Variants in SYCP2 observed in about 807,000 individuals in gnomAD.
SYCP2 encodes the protein synaptonemal complex protein 2, also known as synaptonemal complex lateral element protein.
A neutral mutation model predicts 211.3 loss-of-function variants in SYCP2; 55 were observed. The ratio of observed to expected loss-of-function variants is 0.26; its 90% CI spans 0.21 to 0.33. The LOEUF (loss-of-function observed/expected upper bound fraction) is 0.33. Ranked by LOEUF, SYCP2 falls within the 10% of genes least tolerant of loss-of-function variation. The pLI is 1.00. For synonymous variants in SYCP2, 570 were observed against 555.2 expected, an observed-to-expected ratio of 1.03 and a Z score of -0.37; for missense variants, 1,731 against 1,752.0, an observed-to-expected ratio of 0.99 and a Z score of 0.21.
At chr20:59,915,575 A>G (rs1268271482) in intron 8 of SYCP2, 25 bp from the exon 9 acceptor site, 2 of 1,366,546 alleles carry the variant, frequency 1.5e-6, no homozygotes, top group Non-Finnish European at 2.1e-6. Flanking sequence ...AAGATAATGC[A>G]TTAACTTTAC....
chr20:59,864,380 C>T lies in SYCP2; in HGVS notation c.4524G>A (p.Glu1508=). ...GTTCTCTGCGTACATTAAGAAGCTC[C>T]TCTTCTAGCTATAGCCAAGAAAAAA... ...QDRLLKDMLE[E]ELLNVRRELM... Residue 1508 remains glutamate (E), a synonymous_variant, in exon 45 of 45, where the codon GAG becomes GAA. Transcript: ENST00000357552. 1 of 1,598,204 alleles carries T rather than the reference C, an allele frequency of 6.3e-7. No homozygotes were observed. The highest frequency in any genetic ancestry group is 1.1e-5 in the South Asian group (1 of 88,202).
Position 59,892,084 on chromosome 20 carries a change from T to G in SYCP2, c.2270A>C (p.Asn757Thr), listed in dbSNP as rs1435293904. The G allele has an allele frequency of 6.2e-7, 1 of 1,611,814 alleles. No individual in the cohort carries two copies. Among genetic ancestry groups the G allele is most frequent in the East Asian group, 2.2e-5 (1 of 44,808 alleles). The change falls in exon 24 of 45, where the codon AAT becomes ACT. Residue 757 changes from asparagine to threonine, a missense_variant. By Grantham distance (65) the Asn-to-Thr change is moderately conservative (BLOSUM62 0). Around this residue, in one of 3 missense-constraint regions of SYCP2, gnomAD observed 1,387 missense variants for 1,351.3 expected, o/e 1.03. Coordinates refer to ENST00000357552, the MANE Select transcript of SYCP2 (RefSeq NM_014258.4). The part of the protein sequence containing the change: ...KDVNTATCDK[N>T]PSASKNVQSH... ...TTGCACATTTTTGCTAGCAGATGGA[T>G]TTTTATCGCAAGTAGCAGTATTCAC...
chr20:59,920,557 G>A, intron 4 of SYCP2, 70 bp from the exon 5 acceptor site: 5 of 1,202,810 alleles, frequency 4.2e-6, no homozygotes, highest in South Asian at 2.7e-5. Flanking sequence ...TGTACAAGGA[G>A]TGTTACACAT....
At chr20:59,887,429 G>A (rs1194014294) in intron 24 of SYCP2, among the ~76,000 whole-genome samples, 1 of 152,112 alleles carries the variant, frequency 6.6e-6, no homozygotes, top group East Asian at 1.9e-4. Context: ...CCAAGTCTTT[G>A]CTATCGTGAA....
intron 15 of SYCP2, among the ~76,000 whole-genome samples, chr20:59,904,283 A>T (rs185054210): frequency 3.7e-4 from 56 of 152,222 alleles, no homozygotes; most frequent in African/African-American, 1.3e-3. Flanking sequence ...CGTTCAAAAT[A>T]TCTGCCAGAT....
intron 34 of SYCP2, among the ~76,000 whole-genome samples, chr20:59,874,997 T>A (rs979791613): frequency 1.3e-4 from 20 of 152,120 alleles, no homozygotes; most frequent in African/African-American, 3.9e-4. Flanking sequence ...AGTACTTTTT[T>A]AAGATTAAGT....
chr20:59,896,286 T>G lies in SYCP2; in HGVS notation c.1504+143A>C, dbSNP rs540092867. ...GTTAGCATTATACTTTTCTTCCCAT[T>G]AGAAGACATTTGTGGTTCATATTTT... is the stretch of plus-strand genomic sequence containing the variant. On this transcript the variant is annotated intron_variant, in intron 19 of 44. Transcript: ENST00000357552. 53 of 554,466 alleles carry G rather than the reference T, an allele frequency of 9.6e-5. No individual in the cohort carries two copies. In the East Asian group the frequency reaches 1.2e-3, roughly 13 times the overall value. The allele number at this position is 554,466 out of a possible 1,614,324, so 34.3% of individuals were successfully genotyped here.
chr20:59,876,905 T>C (rs1225046515), intron 33 of SYCP2, among the ~76,000 whole-genome samples: 4 of 152,140 alleles, frequency 2.6e-5, no homozygotes, highest in African/African-American at 9.7e-5. Context: ...CTATAGATGG[T>C]AGACTGCCAG....
Position 59,913,680 on chromosome 20 carries a change from T to C in SYCP2, c.830+295A>G, listed in dbSNP as rs139861316. Among the ~76,000 whole-genome samples, 83 of 152,190 alleles carry C rather than the reference T, an allele frequency of 5.5e-4. No homozygotes were observed. The East Asian group carries it at 0.016, about 29-fold the overall frequency. ...ATAATGGATATGCAACTCAGAAGTA[T>C]AGTAAGCCAATTTTGAACATCTAAA... On this transcript the variant is annotated intron_variant, in intron 12 of 44. Transcript: ENST00000357552.
At chr20:59,868,672 TTTA>T in intron 37 of SYCP2, 104 bp from the exon 38 acceptor site, 2 of 1,347,294 alleles carry the variant, frequency 1.5e-6, no homozygotes, top group East Asian at 2.5e-5. Flanking sequence ...ACTAAGTATT[TTTA>T]TTATGTTTTA....
At position 59,866,419 on chromosome 20, in the gene SYCP2, T is replaced by C. The variant is rs1217515631; in HGVS notation, c.4221-27A>G. The C allele has an allele frequency of 2.6e-6, 4 of 1,559,344 alleles. No homozygotes were observed. The African/African-American group carries it at 5.5e-5, about 22-fold the overall frequency. On this transcript the variant is annotated intron_variant, in intron 40 of 44. Coordinates refer to ENST00000357552, the MANE Select transcript of SYCP2 (RefSeq NM_014258.4). Reference sequence around the variant, plus strand: ...TATTACAGAAACAAAATGAGATTAATTTTAAAAACTGTAGCATTCAGAATA... The same window carrying C: ...TATTACAGAAACAAAATGAGATTAACTTTAAAAACTGTAGCATTCAGAATA...
chr20:59,889,878 A>G (rs1039261447), intron 24 of SYCP2, among the ~76,000 whole-genome samples: 2 of 151,904 alleles, frequency 1.3e-5, no homozygotes, highest in African/African-American at 4.8e-5. Flanking sequence ...CACCAGTTAG[A>G]ATGATGATCA....
At chr20:59,892,865 CATTA>C (rs535984509) in intron 22 of SYCP2, among the ~76,000 whole-genome samples, 164 bp from the exon 23 acceptor site, 146 of 151,984 alleles carry the variant, frequency 9.6e-4, no homozygotes, top group East Asian at 6.8e-3. Flanking sequence ...TATTTCTACA[CATTA>C]ATTAATTTCT....
intron 1 of SYCP2, among the ~76,000 whole-genome samples, chr20:59,932,542 G>C (rs1031626829): frequency 6.6e-6 from 1 of 152,150 alleles, no homozygotes; most frequent in African/African-American, 2.4e-5. Flanking sequence ...GGGCGTGGTG[G>C]CGCGCCAAGT....
At chr20:59,920,773 T>G (rs2060526659) in intron 4 of SYCP2, among the ~76,000 whole-genome samples, 1 of 151,598 alleles carries the variant, frequency 6.6e-6, no homozygotes, top group Non-Finnish European at 1.5e-5. Flanking sequence ...TCTAAAAAGC[T>G]CCATGTATTT....
rs544033024 is a variant in SYCP2, at chr20:59,881,400, A to AAG, written c.2714+36_2714+37insCT. The AAG allele has an allele frequency of 1.0e-4, 117 of 1,127,616 alleles. No homozygotes were observed. In the African/African-American group the frequency reaches 1.7e-3, roughly 17 times the overall value. 69.9% of individuals were successfully genotyped at this position (1,127,616 alleles called of 1,614,324 possible). ...GGGAGGAGATATTTAAGAGAAAAAAAAAGATCAGAATATTTTAATCTAATA... is the reference window on the plus strand; with the variant it reads ...GGGAGGAGATATTTAAGAGAAAAAAAAGAAGATCAGAATATTTTAATCTAATA... On this transcript the variant is annotated intron_variant, in intron 29 of 44. Transcript: ENST00000357552.
intron 26 of SYCP2, among the ~76,000 whole-genome samples, chr20:59,882,731 ATCT>A (rs1488361756): frequency 2.6e-5 from 4 of 152,154 alleles, no homozygotes; most frequent in African/African-American, 7.2e-5. Flanking sequence ...AAAAAAGTGA[ATCT>A]TATGGAGATA....
chr20:59,893,241 C>T, intron 21 of SYCP2, 42 bp from the exon 22 acceptor site: 1 of 1,358,418 alleles, frequency 7.4e-7, no homozygotes, highest in Non-Finnish European at 1.0e-6. Flanking sequence ...TTTTTTCATG[C>T]AGTTGGCAGG....
Position 59,866,356 on chromosome 20 carries a change from T to C in SYCP2, c.4257A>G (p.Ile1419Met), listed in dbSNP as rs370457363. 48 of 1,596,458 alleles carry C rather than the reference T, an allele frequency of 3.0e-5. No homozygotes were observed. The highest frequency in any genetic ancestry group is 3.7e-5 in the Non-Finnish European group (43 of 1,171,730). Residue 1419 changes from isoleucine (I) to methionine (M), a missense_variant, in exon 41 of 45, where the codon ATA (isoleucine) becomes ATG (methionine). This residue lies in a region of SYCP2 where 1,387 missense variants were observed against 1,351.3 expected (regional missense o/e 1.03). Transcript: ENST00000357552. ...CTTTTTCAAAATTCTCCAGCTCCTC[T>C]ATGATAATGAATTGGAATTTATCAA... The part of the protein sequence containing the change: ...KKLDKFQFII[I>M]EELENFEKDS...
Sources: allele counts gnomAD v4.1 joint callset (sites outside exome capture counted in the v4.1 genomes callset), GRCh38; gene constraint gnomAD v4.1.1; regional missense constraint gnomAD v4.1.1; transcripts MANE v1.5; gene names NCBI Gene and HGNC (gene_info 2026-07-23, HGNC 2026-07-21).